AGMO: variants seen among roughly 807,000 people sequenced by gnomAD.
The protein encoded by AGMO is glyceryl-ether monooxygenase.
AGMO carries 75 observed loss-of-function variants against 60.2 expected under a neutral mutation model. The observed-to-expected ratio is 1.25, with a 90% confidence interval of 1.03 to 1.51. The LOEUF is 1.51. AGMO is among the 40% of genes most tolerant of loss of function. The pLI, the probability that AGMO is intolerant of heterozygous loss-of-function variation, is 0.00. For missense variants in AGMO, 763 were observed against 525.5 expected (o/e 1.45, Z -4.42); for synonymous variants, 261 against 177.1 (o/e 1.47, Z -3.76).
intron 9 of AGMO, 116 bp downstream of exon 9, chr7:15,387,290 G>A (rs1583491128): frequency 2.4e-6 from 3 of 1,235,524 alleles, no homozygotes; most frequent in East Asian, 4.7e-5. Flanking sequence ...GACTGCATCT[G>A]ACTGGGGGAA....
intron 12 of AGMO, among the ~76,000 whole-genome samples, chr7:15,340,671 C>T (rs1781815268): frequency 6.6e-6 from 1 of 152,160 alleles, no homozygotes. Flanking sequence ...TATGGGTGTG[C>T]AGAAGACAAG....
At chr7:15,208,052 C>A (rs926206822) in intron 12 of AGMO, among the ~76,000 whole-genome samples, 1 of 152,168 alleles carries the variant, frequency 6.6e-6, no homozygotes, top group Admixed American at 6.5e-5. Context: ...ATTTATAAAT[C>A]ATGAATCACA....
Position 15,354,331 on chromosome 7 carries a change from C to CGT in AGMO, c.1263+11181_1263+11182dup, listed in dbSNP as rs1294209469. ...GTATACACGCGTGTATATACGTACG[C>CGT]GTGTATATACACGCGTGTATATAGA... is the stretch of plus-strand genomic sequence containing the variant. On this transcript the variant is annotated intron_variant, in intron 12 of 12. Coordinates refer to ENST00000342526, the MANE Select transcript of AGMO (RefSeq NM_001004320.2). Among the ~76,000 whole-genome samples the CGT allele has an allele frequency of 4.1e-3, 284 of 69,430 alleles. 46 individuals are homozygous for CGT. Among genetic ancestry groups the CGT allele is most frequent in the African/African-American group, 0.021 (265 of 12,682 alleles). 45.5% of individuals were successfully genotyped at this position (69,430 alleles called of 152,430 possible).
At chr7:15,306,553 T>C (rs777271296) in intron 12 of AGMO, 1 of 451,192 alleles carries the variant, frequency 2.2e-6, no homozygotes, top group South Asian at 1.6e-5. Context: ...ATTTCACTTA[T>C]AACAGAATAT....
chr7:15,458,780 G>A (rs933750507), intron 3 of AGMO, among the ~76,000 whole-genome samples: 3 of 152,134 alleles, frequency 2.0e-5, no homozygotes, highest in Admixed American at 1.3e-4. Flanking sequence ...TGCCTAAGAC[G>A]ACACAACCAC....
rs556392459 is a variant in AGMO, at chr7:15,388,631, G to A, written c.823-1091C>T. ...TGCTCTGAAAATGTGTGATGACAAA[G>A]GAGGGCAAGGTCAATGATTTACGCC... On this transcript the variant is annotated intron_variant, in intron 8 of 12. Transcript: ENST00000342526. Among the ~76,000 whole-genome samples, 208 of 152,182 alleles carry A rather than the reference G, an allele frequency of 1.4e-3. 1 individual carries two copies. Among genetic ancestry groups the A allele is most frequent in the South Asian group, 2.1e-3 (10 of 4,804 alleles).
intron 12 of AGMO, among the ~76,000 whole-genome samples, chr7:15,330,869 T>C (rs569133773): frequency 2.7e-4 from 41 of 152,190 alleles, no homozygotes; most frequent in African/African-American, 9.2e-4. Context: ...CTGGTCTTAA[T>C]GATCTATATT....
chr7:15,227,961 C>A (rs1365666110), intron 12 of AGMO, among the ~76,000 whole-genome samples: 2 of 152,058 alleles, frequency 1.3e-5, no homozygotes, highest in Non-Finnish European at 2.9e-5. Context: ...CAGCGATCCC[C>A]TTTTACACAG....
intron 3 of AGMO, among the ~76,000 whole-genome samples, chr7:15,500,363 G>C (rs1439568932): frequency 1.3e-5 from 2 of 151,744 alleles, no homozygotes; most frequent in Non-Finnish European, 2.9e-5. Flanking sequence ...AATCAGATAA[G>C]TAATGGTATT....
At chr7:15,281,614 C>T (rs1207347378) in intron 12 of AGMO, among the ~76,000 whole-genome samples, 5 of 152,078 alleles carry the variant, frequency 3.3e-5, no homozygotes, top group African/African-American at 9.7e-5. Flanking sequence ...TACTCTTTCC[C>T]TGACAAGACT....
chr7:15,180,512 G>A, the AGMO span, among the ~76,000 whole-genome samples: 124 of 151,992 alleles, frequency 8.2e-4, no homozygotes, highest in Middle Eastern at 3.4e-3. Context: ...TCACCAGAAC[G>A]CCTTTTACTA....
chr7:15,496,353 A>T (rs1327396118), intron 3 of AGMO, among the ~76,000 whole-genome samples: 1 of 152,176 alleles, frequency 6.6e-6, no homozygotes, highest in East Asian at 1.9e-4. Context: ...TCAATGTTAT[A>T]CCTCAACAAA....
intron 3 of AGMO, among the ~76,000 whole-genome samples, chr7:15,450,087 A>G (rs181354223): frequency 6.6e-6 from 1 of 152,354 alleles, no homozygotes; most frequent in Admixed American, 6.5e-5. Context: ...TTAGTAAAGT[A>G]TTACAAATGT....
chr7:15,380,061 T>G (rs1255321387), intron 10 of AGMO, among the ~76,000 whole-genome samples: 1 of 152,184 alleles, frequency 6.6e-6, no homozygotes, highest in Non-Finnish European at 1.5e-5. Context: ...TTTTACTGAA[T>G]GGGCAAATGT....
chr7:15,255,195 T>A (rs560153641), intron 12 of AGMO, among the ~76,000 whole-genome samples: 1 of 151,864 alleles, frequency 6.6e-6, no homozygotes, highest in Admixed American at 6.6e-5. Flanking sequence ...ACATCACACA[T>A]TGGAGCCTGT....
At chr7:15,336,794 TTTA>T (rs1308032416) in intron 12 of AGMO, among the ~76,000 whole-genome samples, 1 of 152,188 alleles carries the variant, frequency 6.6e-6, no homozygotes, top group Non-Finnish European at 1.5e-5. Context: ...TAAAAAAGCA[TTTA>T]TTAAGTAATT....
intron 12 of AGMO, among the ~76,000 whole-genome samples, chr7:15,319,213 T>A (rs907051281): frequency 4.6e-5 from 7 of 152,186 alleles, no homozygotes; most frequent in African/African-American, 1.4e-4. Flanking sequence ...AAAAGTGAGA[T>A]AAAATAATTT....
rs534554311 is a variant in AGMO, at chr7:15,536,597, A to T, written c.409+8175T>A. On this transcript the variant is annotated intron_variant, in intron 3 of 12. Coordinates refer to ENST00000342526, the MANE Select transcript of AGMO (RefSeq NM_001004320.2). ...TTCACAATAGAATAAACAATCAGTG[A>T]CCATACCTGTTATTAAGCAAGTATC... 7.3e-4 allele frequency among the ~76,000 whole-genome samples: 111 copies of T among 152,028 alleles called. 1 individual carries two copies. Among genetic ancestry groups the T allele is most frequent in the Non-Finnish European group, 1.2e-3 (83 of 67,852 alleles).
chr7:15,169,700 G>C, the AGMO span, among the ~76,000 whole-genome samples: 6 of 152,134 alleles, frequency 3.9e-5, no homozygotes, highest in Non-Finnish European at 7.3e-5. Flanking sequence ...GCCTCCCAAA[G>C]TGCTGGGGTT....
Sources: gnomAD v4.1 joint callset for allele counts (sites outside exome capture counted in the v4.1 genomes callset) on GRCh38, gnomAD v4.1.1 for gene constraint, MANE v1.5 for transcripts, NCBI Gene and HGNC (gene_info 2026-07-23, HGNC 2026-07-21) for gene names.